Variants in CACNA1D observed in about 807,000 individuals in gnomAD.
The protein encoded by CACNA1D is voltage-dependent L-type calcium channel subunit alpha-1D.
In CACNA1D, 55 loss-of-function variants were observed where a neutral mutation model predicts 257.1. The observed-to-expected ratio is 0.21, with a 90% CI of 0.17 to 0.27. CACNA1D has a LOEUF of 0.27. CACNA1D is among the 10% of genes least tolerant of loss of function. The pLI is 1.00. For synonymous variants in CACNA1D, 980 were observed against 1,014.9 expected, an observed-to-expected ratio of 0.97 and a Z score of 0.65; for missense variants, 1,876 against 2,784.0, an observed-to-expected ratio of 0.67 and a Z score of 7.34.
chr3:53,810,913 T>A (rs2095597378), intron 47 of CACNA1D, among the ~76,000 whole-genome samples, 200 bp from the exon 48 acceptor site: 1 of 152,162 alleles, frequency 6.6e-6, no homozygotes, highest in African/African-American at 2.4e-5. Flanking sequence ...TGTTGGGCCA[T>A]GTGTAGTTTT....
At chr3:53,536,842 G>T (rs59254994) in intron 3 of CACNA1D, among the ~76,000 whole-genome samples, 4,473 of 152,258 alleles carry the variant, frequency 0.029, 224 homozygotes, top group African/African-American at 0.1. Flanking sequence ...TTTGCTGTCT[G>T]GTCCTTTACA....
At chr3:53,525,106 C>A (rs1215581014) in intron 3 of CACNA1D, among the ~76,000 whole-genome samples, 1 of 152,112 alleles carries the variant, frequency 6.6e-6, no homozygotes, top group Non-Finnish European at 1.5e-5. Flanking sequence ...TTTCTGAAAA[C>A]TTATTTTGTA....
At chr3:53,662,901 A>G (rs1368050193) in intron 5 of CACNA1D, among the ~76,000 whole-genome samples, 1 of 152,226 alleles carries the variant, frequency 6.6e-6, no homozygotes, top group Non-Finnish European at 1.5e-5. Flanking sequence ...TGCATGGCCC[A>G]TTGGTGTCTC....
At chr3:53,553,496 G>T (rs1311503964) in intron 3 of CACNA1D, among the ~76,000 whole-genome samples, 4 of 152,184 alleles carry the variant, frequency 2.6e-5, no homozygotes, top group Non-Finnish European at 4.4e-5. Context: ...TGCCACCACT[G>T]CCAGGTATCT....
intron 3 of CACNA1D, among the ~76,000 whole-genome samples, chr3:53,586,276 C>CTGTGTGTGTGTG (rs57318445): frequency 1.2e-4 from 17 of 136,022 alleles, no homozygotes; most frequent in East Asian, 6.8e-4. Flanking sequence ...TGCCTCTATT[C>CTGTGTGTGTGTG]TGTGTGTGTG....
At chr3:53,599,371 C>T (rs1170710511) in intron 3 of CACNA1D, among the ~76,000 whole-genome samples, 4 of 152,100 alleles carry the variant, frequency 2.6e-5, no homozygotes, top group Non-Finnish European at 4.4e-5. Flanking sequence ...TTAGAATAAA[C>T]TCTTAGCCTT....
At chr3:53,514,547 CTCTT>C (rs1426510528) in intron 3 of CACNA1D, among the ~76,000 whole-genome samples, 1 of 152,192 alleles carries the variant, frequency 6.6e-6, no homozygotes, top group African/African-American at 2.4e-5. Flanking sequence ...TCTGCATCTG[CTCTT>C]TCTCTGTGGA....
At position 53,751,761 on chromosome 3, in the gene CACNA1D, G is replaced by T; in HGVS notation, c.3529G>T (p.Glu1177Ter). 6.2e-7 allele frequency: 1 copy of T among 1,614,168 alleles called. No individual in the cohort carries two copies. Among genetic ancestry groups the T allele is most frequent in the African/African-American group, 1.3e-5 (1 of 75,030 alleles). The part of the protein sequence containing the change: ...ELDKNQRQCV[E>*]YALKARPLRR... ...TCTGCTGTTGCAGCGTCAGTGTGTT[G>T]AATACGCCTTGAAAGCACGTCCCTT... is the stretch of plus-strand genomic sequence containing the variant. Residue 1177 changes from glutamate (E) to a stop codon, truncating the protein, a stop_gained, in exon 28 of 48, where the codon GAA becomes TAA. Coordinates refer to ENST00000350061, the MANE Select transcript of CACNA1D (RefSeq NM_001128840.3). LOFTEE classifies it high-confidence loss of function. This position sits in a 1 kb window ranked among gnomAD's most constrained non-coding sequence, Gnocchi z 4.3.
rs377501922 is a variant in CACNA1D at position 53,735,544 on chromosome 3, C to T, written c.2751+41C>T. On this transcript the variant is annotated intron_variant, in intron 20 of 47. Transcript: ENST00000350061. Reference sequence around the variant, plus strand: ...GGGGCTCGCTCTGGGATAGCCCTGGCCTCTCTCGGGCAGAGGCCACTGTAG... The same window carrying T: ...GGGGCTCGCTCTGGGATAGCCCTGGTCTCTCTCGGGCAGAGGCCACTGTAG... 4.3e-6 allele frequency: 7 copies of T among 1,610,370 alleles called. No individual in the cohort carries two copies. The African/African-American group carries it at 8.0e-5, about 18-fold the overall frequency.
intron 3 of CACNA1D, among the ~76,000 whole-genome samples, chr3:53,560,137 C>T (rs1005160534): frequency 1.6e-4 from 24 of 147,456 alleles, no homozygotes; most frequent in Non-Finnish European, 3.5e-4. Context: ...CCATACCCAG[C>T]TAGCACTTTT....
At chr3:53,683,724 A>C (rs567438017) in intron 8 of CACNA1D, among the ~76,000 whole-genome samples, 1 of 152,350 alleles carries the variant, frequency 6.6e-6, no homozygotes, top group African/African-American at 2.4e-5. Flanking sequence ...AGGTAAATAG[A>C]AACAGTACAA....
intron 45 of CACNA1D, among the ~76,000 whole-genome samples, chr3:53,806,207 T>G (rs1576736043): frequency 2.6e-5 from 2 of 76,660 alleles, no homozygotes; most frequent in South Asian, 1.2e-3. Flanking sequence ...TCCTCCCTCA[T>G]CTTCCCTCCT....
At chr3:53,649,638 C>G (rs1375074215) in intron 3 of CACNA1D, among the ~76,000 whole-genome samples, 1 of 152,144 alleles carries the variant, frequency 6.6e-6, no homozygotes, top group African/African-American at 2.4e-5. Context: ...TTTCCTGAGC[C>G]TATTTTATTT....
chr3:53,673,073 C>T lies in CACNA1D; in HGVS notation c.1167C>T (p.Leu389=), dbSNP rs764863445. 1.1e-5 allele frequency: 17 copies of T among 1,551,998 alleles called. No homozygotes were observed. The highest frequency in any genetic ancestry group is 4.1e-5 in the African/African-American group (3 of 72,998). ...FELPWVYFVS[L]VIFGSFFVLN... ...TGCCCTGGGTGTATTTTGTCAGTCTCGTCATCTTTGGGTCATTTTTCGTAC... is the reference window on the plus strand; with the variant it reads ...TGCCCTGGGTGTATTTTGTCAGTCTTGTCATCTTTGGGTCATTTTTCGTAC... Residue 389 remains leucine (L), a synonymous_variant, in exon 8 of 48, where the codon CTC becomes CTT. Coordinates refer to ENST00000350061, the MANE Select transcript of CACNA1D (RefSeq NM_001128840.3). The surrounding 1 kb of genome is among the most constrained non-coding windows in gnomAD (Gnocchi z 4.1).
intron 19 of CACNA1D, among the ~76,000 whole-genome samples, chr3:53,734,375 T>G (rs1165290284): frequency 6.6e-6 from 1 of 152,066 alleles, no homozygotes; most frequent in Non-Finnish European, 1.5e-5. Flanking sequence ...ATATTTTAGA[T>G]ATACATATAT....
chr3:53,770,440 A>G lies in CACNA1D; in HGVS notation c.3932A>G (p.Asn1311Ser), dbSNP rs375571185. The change falls in exon 32 of 48, where the codon AAT becomes AGT. Residue 1311 changes from asparagine (N) to serine (S), a missense_variant. Physicochemically the swap from Asn to Ser is conservative, Grantham distance 46. Around this residue, in one of 10 missense-constraint regions of CACNA1D, gnomAD observed 204 missense variants for 309.4 expected, o/e 0.66. Transcript: ENST00000350061. ...ACCCTTCAGAACTCTGAAGAGAGCA[A>G]TAGAATCTCCATCACCTTTTTCCGT... ...TATPGNSEES[N>S]RISITFFRLF... The G allele has an allele frequency of 3.3e-5, 53 of 1,613,940 alleles. No homozygotes were observed. Among genetic ancestry groups the G allele is most frequent in the African/African-American group, 4.0e-5 (3 of 74,924 alleles).
intron 9 of CACNA1D, among the ~76,000 whole-genome samples, chr3:53,717,833 C>T (rs1344959522): frequency 6.6e-6 from 1 of 152,180 alleles, no homozygotes; most frequent in Non-Finnish European, 1.5e-5. Context: ...TCCCCATTCA[C>T]AATAGCTCTT....
chr3:53,620,376 G>T (rs1179006762), intron 3 of CACNA1D, among the ~76,000 whole-genome samples: 2 of 152,166 alleles, frequency 1.3e-5, no homozygotes, highest in Non-Finnish European at 2.9e-5. Flanking sequence ...TTGCAGCCTT[G>T]AATTCCTGGG....
intron 3 of CACNA1D, among the ~76,000 whole-genome samples, chr3:53,605,651 G>A (rs58698180): frequency 0.011 from 1,646 of 152,286 alleles, 42 homozygotes; most frequent in African/African-American, 0.037. Flanking sequence ...AAGACATGGC[G>A]ATCCAAAATT....
Sources: allele counts gnomAD v4.1 joint callset (sites outside exome capture counted in the v4.1 genomes callset), GRCh38; gene constraint gnomAD v4.1.1; regional missense constraint gnomAD v4.1.1; non-coding constraint Gnocchi (gnomAD v3.1); transcripts MANE v1.5; gene names NCBI Gene and HGNC (gene_info 2026-07-23, HGNC 2026-07-21).